SLC24A2: variants seen among roughly 807,000 people sequenced by gnomAD.
The protein encoded by SLC24A2 is solute carrier family 24 member 2, also known as sodium/potassium/calcium exchanger 2.
A neutral mutation model predicts 62.0 loss-of-function variants in SLC24A2; 36 were observed. The observed-to-expected ratio is 0.58, with a 90% CI of 0.44 to 0.77. SLC24A2 has a LOEUF of 0.77. SLC24A2 is among the 30% of genes least tolerant of loss of function. The probability of loss-of-function intolerance (pLI) is 0.00; values close to 1 mark genes in which losing one functional copy is unlikely to be tolerated. For missense variants in SLC24A2, 846 were observed against 817.9 expected, an observed-to-expected ratio of 1.03 and a Z score of -0.42; for synonymous variants, 358 against 294.0, an observed-to-expected ratio of 1.22 and a Z score of -2.23.
chr9:20,196,752 T>C, the SLC24A2 span, among the ~76,000 whole-genome samples: 1 of 152,196 alleles, frequency 6.6e-6, no homozygotes, highest in African/African-American at 2.4e-5. Context: ...TTTTCCTAAT[T>C]ATAAAAGTAA....
the SLC24A2 span, among the ~76,000 whole-genome samples, chr9:20,179,822 AT>A: frequency 6.6e-6 from 1 of 152,222 alleles, no homozygotes; most frequent in African/African-American, 2.4e-5. Flanking sequence ...GTATTACCTG[AT>A]AAACATATTG....
the SLC24A2 span, among the ~76,000 whole-genome samples, chr9:19,953,970 A>G: frequency 2.9e-5 from 4 of 138,472 alleles, no homozygotes; most frequent in African/African-American, 5.5e-5. Flanking sequence ...ACTTTTTCCT[A>G]AAAAAAAAAA....
chr9:19,840,220 T>C, the SLC24A2 span, among the ~76,000 whole-genome samples: 1 of 152,184 alleles, frequency 6.6e-6, no homozygotes, highest in Non-Finnish European at 1.5e-5. Context: ...AGACTTTCTT[T>C]AAAAGTAATG....
chr9:19,796,108 C>G, the SLC24A2 span, among the ~76,000 whole-genome samples: 1 of 127,014 alleles, frequency 7.9e-6, no homozygotes, highest in Non-Finnish European at 1.6e-5. Context: ...ACATCACACA[C>G]CGGGGCCTGT....
the SLC24A2 span, among the ~76,000 whole-genome samples, chr9:20,020,963 C>T: frequency 6.6e-6 from 1 of 152,032 alleles, no homozygotes; most frequent in Non-Finnish European, 1.5e-5. Context: ...TTCATTTGTC[C>T]AATTGGAGAA....
At chr9:19,844,133 T>C in the SLC24A2 span, among the ~76,000 whole-genome samples, 4 of 152,230 alleles carry the variant, frequency 2.6e-5, no homozygotes, top group Admixed American at 6.5e-5. Context: ...TTAATTTACA[T>C]TGCCACCAAC....
the SLC24A2 span, among the ~76,000 whole-genome samples, chr9:20,231,974 C>G: frequency 1.3e-5 from 2 of 152,152 alleles, no homozygotes; most frequent in African/African-American, 2.4e-5. Context: ...AGGGCCTTTT[C>G]TGCATCTATT....
chr9:19,636,371 CTTTCTTTCTT>C (rs1564009963), intron 2 of SLC24A2, among the ~76,000 whole-genome samples: 1,017 of 33,502 alleles, frequency 0.03, 89 homozygotes, highest in African/African-American at 0.045. Flanking sequence ...TTCTTTCTTT[CTTTCTTTCTT>C]TCTTTCTCCC....
intron 2 of SLC24A2, among the ~76,000 whole-genome samples, chr9:19,671,581 C>CTATT (rs1819417306): frequency 6.6e-6 from 1 of 152,124 alleles, no homozygotes; most frequent in Non-Finnish European, 1.5e-5. Context: ...GCTAGGTCTC[C>CTATT]CAGCACCATG....
chr9:19,788,656 C>G (rs1323325445), intron 1 of SLC24A2: 12 of 985,202 alleles, frequency 1.2e-5, no homozygotes, highest in Non-Finnish European at 1.4e-5. Context: ...GGCCCTGCCC[C>G]ACGCCCCCCA....
At chr9:19,992,636 A>G in the SLC24A2 span, among the ~76,000 whole-genome samples, 1 of 152,214 alleles carries the variant, frequency 6.6e-6, no homozygotes, top group African/African-American at 2.4e-5. Context: ...TCACTGGAGC[A>G]TAGGTTCAGA....
chr9:19,655,035 T>C (rs1031768065), intron 2 of SLC24A2, among the ~76,000 whole-genome samples: 2 of 152,252 alleles, frequency 1.3e-5, no homozygotes, highest in Admixed American at 6.5e-5. Flanking sequence ...TATTAGTTTC[T>C]TGTAGACAGA....
At chr9:19,584,908 A>G (rs1330043558) in intron 5 of SLC24A2, among the ~76,000 whole-genome samples, 1 of 152,204 alleles carries the variant, frequency 6.6e-6, no homozygotes, top group Non-Finnish European at 1.5e-5. Context: ...ACTCTGTAAT[A>G]AAGTATTTTG....
chr9:20,040,916 T>C, the SLC24A2 span, among the ~76,000 whole-genome samples: 16 of 152,352 alleles, frequency 1.1e-4, no homozygotes, highest in East Asian at 3.1e-3. Context: ...TAATTTTCTA[T>C]GGGTCACACA....
At chr9:19,804,339 A>C in the SLC24A2 span, among the ~76,000 whole-genome samples, 1 of 152,128 alleles carries the variant, frequency 6.6e-6, no homozygotes, top group Admixed American at 6.5e-5. Context: ...TTTTAAATGA[A>C]TATATACTAT....
chr9:19,680,504 C>T (rs143706121), intron 2 of SLC24A2, among the ~76,000 whole-genome samples: 2 of 145,892 alleles, frequency 1.4e-5, no homozygotes, highest in Non-Finnish European at 3.0e-5. Flanking sequence ...GCTGAAAATC[C>T]GAGTTTCTTT....
the SLC24A2 span, among the ~76,000 whole-genome samples, chr9:19,822,962 G>A: frequency 2.0e-5 from 3 of 152,076 alleles, no homozygotes; most frequent in Admixed American, 2.0e-4. Context: ...CTTCTCAGGA[G>A]TCAGAGCTGC....
chr9:19,607,211 C>T (rs1485264210), intron 4 of SLC24A2, among the ~76,000 whole-genome samples: 1 of 152,198 alleles, frequency 6.6e-6, no homozygotes, highest in African/African-American at 2.4e-5. Context: ...AGTGCTTCTT[C>T]ACCTTCAGTG....
chr9:20,040,196 T>A, the SLC24A2 span, among the ~76,000 whole-genome samples: 1 of 152,214 alleles, frequency 6.6e-6, no homozygotes, highest in African/African-American at 2.4e-5. Flanking sequence ...TCAAGAGCGA[T>A]GGAACGATTT....
Sources: gnomAD v4.1 joint callset for allele counts (sites outside exome capture counted in the v4.1 genomes callset) on GRCh38, gnomAD v4.1.1 for gene constraint, MANE v1.5 for transcripts, NCBI Gene and HGNC (gene_info 2026-07-23, HGNC 2026-07-21) for gene names.